The following OCA2 variants were observed in gnomAD, a reference collection of about 807,000 sequenced individuals.
OCA2 encodes the protein OCA2 melanosomal transmembrane protein.
In OCA2, 77 loss-of-function variants were observed where a neutral mutation model predicts 100.2. The observed-to-expected ratio is 0.77, with a 90% CI of 0.64 to 0.93. The LOEUF (loss-of-function observed/expected upper bound fraction) is 0.93. Among genes scored for constraint, OCA2 ranks in the 40% least tolerant of loss-of-function variants. The pLI, the probability that OCA2 is intolerant of heterozygous loss-of-function variation, is 0.00. For missense variants in OCA2, 1,062 were observed against 1,089.1 expected (o/e 0.98, Z 0.35); for synonymous variants, 432 against 439.2 (o/e 0.98, Z 0.21).
downstream of OCA2, among the ~76,000 whole-genome samples, chr15:27,751,710 A>G (rs901143792): frequency 2.6e-5 from 4 of 152,200 alleles, no homozygotes; most frequent in Non-Finnish European, 5.9e-5. Context: ...AAGGGCAGAC[A>G]CACACACTGT....
chr15:27,832,747 G>T (rs577880462), intron 23 of OCA2, among the ~76,000 whole-genome samples: 1 of 151,956 alleles, frequency 6.6e-6, no homozygotes. Flanking sequence ...TTACAAAGCT[G>T]TGTTGACTTC....
At position 27,899,451 on chromosome 15, in the gene OCA2, TTATGATTAGGTTAGAAATCC is replaced by T. The variant is rs1413763536; in HGVS notation, c.2079+26656_2079+26675del. 3.3e-5 allele frequency among the ~76,000 whole-genome samples: 5 copies of T among 152,264 alleles called. No individual in the cohort carries two copies. In the South Asian group the frequency reaches 1.0e-3, roughly 32 times the overall value. ...GGGCTCTTATGATTATTTTAGAAAT[TTATGATTAGGTTAGAAATCC>T]TATGATTAGGTTAGAAATGTTAGAA... is the stretch of plus-strand genomic sequence containing the variant. On this transcript the variant is annotated intron_variant, in intron 19 of 23. Transcript: ENST00000354638.
chr15:27,732,274 G>C, the OCA2 span, among the ~76,000 whole-genome samples: 1 of 152,200 alleles, frequency 6.6e-6, no homozygotes, highest in African/African-American at 2.4e-5. Context: ...AGTGGAGGAA[G>C]AAGGACCAAA....
chr15:27,740,672 T>C, the OCA2 span, among the ~76,000 whole-genome samples: 1 of 152,208 alleles, frequency 6.6e-6, no homozygotes, highest in Admixed American at 6.5e-5. Context: ...CAAGTGCTTA[T>C]TAAATATTGA....
At chr15:27,734,839 T>C in the OCA2 span, among the ~76,000 whole-genome samples, 2 of 152,190 alleles carry the variant, frequency 1.3e-5, no homozygotes, top group African/African-American at 4.8e-5. Context: ...TCAAAATCTC[T>C]AAACAGGTTG....
At chr15:27,949,351 A>C (rs1396149633) in intron 18 of OCA2, among the ~76,000 whole-genome samples, 1 of 152,216 alleles carries the variant, frequency 6.6e-6, no homozygotes, top group Non-Finnish European at 1.5e-5. Context: ...CTCAACTTAC[A>C]CAGCAGGACA....
chr15:27,832,816 G>C (rs1391623), intron 23 of OCA2, among the ~76,000 whole-genome samples: 108 of 150,296 alleles, frequency 7.2e-4, no homozygotes, highest in Admixed American at 2.7e-4. Context: ...AAATATGGCC[G>C]GATTAAATAT....
chr15:27,836,759 C>G (rs555551641), intron 23 of OCA2, among the ~76,000 whole-genome samples: 4 of 152,324 alleles, frequency 2.6e-5, no homozygotes, highest in Admixed American at 2.0e-4. Flanking sequence ...GTAATGATCC[C>G]TTTGAATCAC....
At chr15:27,795,129 C>T (rs2033272662) in intron 23 of OCA2, among the ~76,000 whole-genome samples, 1 of 152,098 alleles carries the variant, frequency 6.6e-6, no homozygotes. Flanking sequence ...CTGTCACCTT[C>T]CCTTGGAATA....
At chr15:27,970,731 C>T (rs2040752342) in intron 14 of OCA2, among the ~76,000 whole-genome samples, 1 of 150,874 alleles carries the variant, frequency 6.6e-6, no homozygotes. Context: ...AAAAACATCC[C>T]AGCACACACA....
the OCA2 span, among the ~76,000 whole-genome samples, chr15:27,724,229 C>A: frequency 1.3e-5 from 2 of 152,166 alleles, no homozygotes; most frequent in African/African-American, 4.8e-5. Flanking sequence ...TTTATTGTCT[C>A]ACAATTCTGG....
At chr15:27,730,756 TATATATATATATATATATATATG>T in the OCA2 span, among the ~76,000 whole-genome samples, 5 of 112,062 alleles carry the variant, frequency 4.5e-5, no homozygotes, top group African/African-American at 3.1e-4. Flanking sequence ...TATATATATA[TATATATATATATATATATATATG>T]TTTTTTTTTC....
intron 4 of OCA2, among the ~76,000 whole-genome samples, chr15:28,025,536 C>T (rs1166819595): frequency 1.3e-5 from 2 of 152,240 alleles, no homozygotes; most frequent in Non-Finnish European, 2.9e-5. Context: ...CTGCACTCTG[C>T]TGCCCTTCCA....
chr15:27,775,004 T>TTAGTTTGTAGTTTG (rs60025291), intron 23 of OCA2, among the ~76,000 whole-genome samples: 11 of 151,048 alleles, frequency 7.3e-5, no homozygotes, highest in African/African-American at 2.4e-4. Flanking sequence ...CCAGCCCTCT[T>TTAGTTTGTAGTTTG]TAGTTTGTAG....
At chr15:27,799,037 T>C (rs2033471532) in intron 23 of OCA2, among the ~76,000 whole-genome samples, 1 of 152,238 alleles carries the variant, frequency 6.6e-6, no homozygotes, top group Non-Finnish European at 1.5e-5. Context: ...AACAATGTTT[T>C]TCATTAAACA....
chr15:27,940,647 C>A (rs190105810), intron 18 of OCA2, among the ~76,000 whole-genome samples: 3 of 152,140 alleles, frequency 2.0e-5, no homozygotes, highest in African/African-American at 4.8e-5. Flanking sequence ...CTGATACATC[C>A]GGCACAAGAA....
chr15:27,993,868 G>A (rs1028734956), intron 9 of OCA2, among the ~76,000 whole-genome samples: 9 of 152,146 alleles, frequency 5.9e-5, no homozygotes, highest in African/African-American at 1.7e-4. Context: ...GGAAAAGCAC[G>A]CTGATGATCC....
At chr15:28,005,079 C>T (rs1030256635) in intron 9 of OCA2, among the ~76,000 whole-genome samples, 7 of 152,120 alleles carry the variant, frequency 4.6e-5, no homozygotes, top group Non-Finnish European at 8.8e-5. Context: ...CGAGCTGGAC[C>T]GTGGTGTCAG....
the OCA2 span, among the ~76,000 whole-genome samples, chr15:27,732,916 C>A: frequency 5.3e-5 from 8 of 152,210 alleles, no homozygotes; most frequent in Non-Finnish European, 1.2e-4. Flanking sequence ...CATTTATATT[C>A]TCACACTGAC....
Sources: gnomAD v4.1 joint callset for allele counts (sites outside exome capture counted in the v4.1 genomes callset) on GRCh38, gnomAD v4.1.1 for gene constraint, MANE v1.5 for transcripts, NCBI Gene and HGNC (gene_info 2026-07-23, HGNC 2026-07-21) for gene names.